Variants in MYO16 observed in about 807,000 individuals in gnomAD.
MYO16 encodes unconventional myosin-XVI.
MYO16 carries 94 observed loss-of-function variants against 205.3 expected under a neutral mutation model. That is an observed-to-expected ratio of 0.46 (90% CI 0.39 to 0.54). The LOEUF is 0.54. MYO16 is among the 20% of genes least tolerant of loss of function. MYO16 has a pLI of 0.00. For synonymous variants in MYO16, 988 were observed against 954.0 expected, an observed-to-expected ratio of 1.04 and a Z score of -0.66; for missense variants, 2,315 against 2,387.5, an observed-to-expected ratio of 0.97 and a Z score of 0.63.
intron 10 of MYO16, among the ~76,000 whole-genome samples, chr13:108,845,532 T>C (rs911235162): frequency 5.3e-5 from 8 of 152,100 alleles, no homozygotes; most frequent in African/African-American, 1.9e-4. Context: ...GAGGGCACTC[T>C]CTGGAGCAAT....
intron 17 of MYO16, among the ~76,000 whole-genome samples, chr13:108,959,844 C>T (rs1883514209): frequency 6.6e-6 from 1 of 152,088 alleles, no homozygotes; most frequent in Non-Finnish European, 1.5e-5. Flanking sequence ...CACTGTAATG[C>T]ACATTATAGC....
At chr13:108,956,674 A>T (rs963373457) in intron 16 of MYO16, among the ~76,000 whole-genome samples, 1 of 152,076 alleles carries the variant, frequency 6.6e-6, no homozygotes, top group Non-Finnish European at 1.5e-5. Context: ...ACATATTCTA[A>T]TTATTCCAGG....
intron 34 of MYO16, among the ~76,000 whole-genome samples, chr13:109,184,833 A>G (rs1879618375): frequency 6.6e-6 from 1 of 152,056 alleles, no homozygotes; most frequent in South Asian, 2.1e-4. Flanking sequence ...CAGTGGCACA[A>G]TCTCAGCTCA....
rs112443461 is a variant in MYO16, at chr13:109,207,880, C to G, written c.*1044C>G. ...AAGGCCTTGTTCATTGATGTGCTTT[C>G]GTCGGCTGTCGGAAAGTTCTGAGCA... On this transcript the variant is annotated 3_prime_UTR_variant, in exon 35 of 35. Transcript: ENST00000457511. 6.6e-6 allele frequency: 1 copy of G among 152,224 alleles called. No individual in the cohort carries two copies. The highest frequency in any genetic ancestry group is 2.4e-5 in the African/African-American group (1 of 41,440). 9.4% of individuals were successfully genotyped at this position (152,224 alleles called of 1,614,324 possible).
chr13:108,777,769 CT>C (rs1160409913), intron 4 of MYO16, among the ~76,000 whole-genome samples: 15 of 152,128 alleles, frequency 9.9e-5, no homozygotes, highest in African/African-American at 3.6e-4. Context: ...CCTTGTTTGT[CT>C]AATGTTGTAA....
chr13:108,810,871 A>G (rs1887270428), intron 7 of MYO16, among the ~76,000 whole-genome samples: 1 of 152,208 alleles, frequency 6.6e-6, no homozygotes, highest in East Asian at 1.9e-4. Flanking sequence ...TTACATTTAT[A>G]GTGGGATGAT....
At chr13:108,931,145 A>G (rs907851241) in intron 16 of MYO16, among the ~76,000 whole-genome samples, 1 of 152,304 alleles carries the variant, frequency 6.6e-6, no homozygotes, top group African/African-American at 2.4e-5. Flanking sequence ...CCTGTTTTAT[A>G]TGTTAGAATT....
chr13:109,196,433 T>C (rs916820851), intron 34 of MYO16, among the ~76,000 whole-genome samples: 3 of 152,168 alleles, frequency 2.0e-5, no homozygotes, highest in African/African-American at 4.8e-5. Flanking sequence ...TCCCAACCCA[T>C]AGGGAAATGG....
At chr13:108,623,999 G>A (rs1879635582) in intron 1 of MYO16, among the ~76,000 whole-genome samples, 1 of 152,124 alleles carries the variant, frequency 6.6e-6, no homozygotes, top group Non-Finnish European at 1.5e-5. Context: ...TTTGAAGAAT[G>A]CATGGAATTT....
chr13:109,161,468 C>T (rs557901060), intron 32 of MYO16, among the ~76,000 whole-genome samples: 21 of 152,176 alleles, frequency 1.4e-4, no homozygotes, highest in Admixed American at 2.6e-4. Context: ...GATCTCATCT[C>T]GAAAATAGGT....
At chr13:108,810,120 T>A (rs1447293878) in intron 7 of MYO16, among the ~76,000 whole-genome samples, 3 of 152,206 alleles carry the variant, frequency 2.0e-5, no homozygotes, top group African/African-American at 7.2e-5. Flanking sequence ...TGAGGCAGGT[T>A]TTTAAAACAC....
chr13:109,137,337 C>T (rs1227877515), intron 31 of MYO16, among the ~76,000 whole-genome samples: 4 of 152,212 alleles, frequency 2.6e-5, no homozygotes, highest in Non-Finnish European at 4.4e-5. Context: ...CAGAGACCCT[C>T]CCCGATTCCA....
chr13:108,666,368 A>G (rs1566538389), intron 2 of MYO16, among the ~76,000 whole-genome samples: 1 of 151,566 alleles, frequency 6.6e-6, no homozygotes, highest in African/African-American at 2.4e-5. Flanking sequence ...AAATGTAAAA[A>G]TTGTGGTGAG....
chr13:108,970,202 G>T (rs1233621393), intron 20 of MYO16, among the ~76,000 whole-genome samples: 1 of 152,146 alleles, frequency 6.6e-6, no homozygotes, highest in Non-Finnish European at 1.5e-5. Flanking sequence ...TTCAAACTGA[G>T]TTGCCTTATA....
rs572836113 is a variant in MYO16, at chr13:108,893,586, A to G, written c.1660-4430A>G. ...ATCCTTGAACAGCCTTGATTTATGG[A>G]GCTATCTAGTAGAAAGTTTGAGGGT... On this transcript the variant is annotated intron_variant, in intron 14 of 34. Transcript: ENST00000457511. Among the ~76,000 whole-genome samples, 109 of 152,292 alleles carry G rather than the reference A, an allele frequency of 7.2e-4. 1 individual carries two copies. Among genetic ancestry groups the G allele is most frequent in the African/African-American group, 2.3e-3 (95 of 41,552 alleles).
At chr13:109,059,673 G>A (rs114592589) in intron 27 of MYO16, among the ~76,000 whole-genome samples, 145 of 152,142 alleles carry the variant, frequency 9.5e-4, no homozygotes, top group African/African-American at 3.2e-3. Context: ...TTTGTGAGAC[G>A]GATGGATTGC....
chr13:108,559,550 T>A, the MYO16 span, among the ~76,000 whole-genome samples: 1 of 142,302 alleles, frequency 7.0e-6, no homozygotes, highest in Non-Finnish European at 1.5e-5. Context: ...CTGGGCTCAC[T>A]GCAAGCTCCA....
At chr13:108,921,212 G>A (rs1430715325) in intron 16 of MYO16, among the ~76,000 whole-genome samples, 2 of 152,230 alleles carry the variant, frequency 1.3e-5, no homozygotes, top group Non-Finnish European at 1.5e-5. Context: ...GCTTGTACCG[G>A]GCAACCCCAA....
rs141771932 is a variant in MYO16 at position 108,836,867 on chromosome 13, A to G, written c.1098-7476A>G. Among the ~76,000 whole-genome samples, 708 of 152,282 alleles carry G rather than the reference A, an allele frequency of 4.6e-3. 3 individuals carry two copies. Among genetic ancestry groups the G allele is most frequent in the Non-Finnish European group, 8.2e-3 (559 of 68,020 alleles). On this transcript the variant is annotated intron_variant, in intron 9 of 34. Transcript: ENST00000457511. ...CTAGGAAGTAACTAACTTGCTTTCA[A>G]ATTTACAGGCTCATAGATGGTGGGG...
Sources: gnomAD v4.1 joint callset for allele counts (sites outside exome capture counted in the v4.1 genomes callset) on GRCh38, gnomAD v4.1.1 for gene constraint, MANE v1.5 for transcripts, NCBI Gene and HGNC (gene_info 2026-07-23, HGNC 2026-07-21) for gene names.